ESR1: variants seen among roughly 807,000 people sequenced by gnomAD.
The protein encoded by ESR1 is estrogen receptor.
A neutral mutation model predicts 52.7 loss-of-function variants in ESR1; 12 were observed. The observed-to-expected ratio is 0.23, with a 90% CI of 0.15 to 0.37. The LOEUF (loss-of-function observed/expected upper bound fraction) is 0.37. ESR1 is among the 10% of genes least tolerant of loss of function. The pLI, the probability that ESR1 is intolerant of heterozygous loss-of-function variation, is 1.00. For synonymous variants in ESR1, 305 were observed against 316.8 expected, an observed-to-expected ratio of 0.96 and a Z score of 0.39; for missense variants, 584 against 779.7, an observed-to-expected ratio of 0.75 and a Z score of 2.99.
At chr6:151,664,042 G>A (rs1226962258) in intron 1 of ESR1, among the ~76,000 whole-genome samples, 2 of 152,016 alleles carry the variant, frequency 1.3e-5, no homozygotes, top group Admixed American at 6.6e-5. Context: ...TGTTTCCACT[G>A]CCCTTTGTTT....
chr6:151,879,266 A>G (rs968779536), intron 2 of ESR1, among the ~76,000 whole-genome samples: 2 of 152,194 alleles, frequency 1.3e-5, no homozygotes, highest in Admixed American at 1.3e-4. Flanking sequence ...TGCTTCAGAT[A>G]GGTTATGTAG....
At chr6:151,961,688 G>A (rs1188825170) in intron 4 of ESR1, among the ~76,000 whole-genome samples, 1 of 152,168 alleles carries the variant, frequency 6.6e-6, no homozygotes, top group Non-Finnish European at 1.5e-5. Flanking sequence ...TCAGGGAATT[G>A]GGAGCAAGTT....
intron 1 of ESR1, among the ~76,000 whole-genome samples, chr6:151,839,984 T>A (rs1027768764): frequency 6.6e-6 from 1 of 152,186 alleles, no homozygotes; most frequent in African/African-American, 2.4e-5. Flanking sequence ...ATTTAAAAAA[T>A]ATAGCATTTT....
At chr6:152,108,225 ACACTCATC>A (rs112430028), downstream of ESR1, among the ~76,000 whole-genome samples, 32,538 of 151,884 alleles carry the variant, frequency 0.21, 3,688 homozygotes, top group African/African-American at 0.28. Context: ...TTGGCCCTGC[ACACTCATC>A]CACCAAATCA....
chr6:151,824,929 A>AG (rs1781234371), intron 1 of ESR1, among the ~76,000 whole-genome samples: 1 of 152,078 alleles, frequency 6.6e-6, no homozygotes, highest in Admixed American at 6.6e-5. Flanking sequence ...TCAAAAAAAA[A>AG]AAGAAAAAAA....
At position 152,099,110 on chromosome 6, in the gene ESR1, T is replaced by G; in HGVS notation, c.*144T>G. On this transcript the variant is annotated 3_prime_UTR_variant, in exon 8 of 8. Transcript: ENST00000206249. ...CTTTCTAGATGAGTGGCCATTCATT[T>G]GCTTGCTCAGTTCTTAGTGGCACAT... The G allele has an allele frequency of 1.4e-6, 1 of 697,378 alleles. No individual in the cohort carries two copies. Among genetic ancestry groups the G allele is most frequent in the Non-Finnish European group, 2.6e-6 (1 of 391,718 alleles). 43.2% of individuals were successfully genotyped at this position (697,378 alleles called of 1,614,324 possible).
chr6:151,947,670 T>C (rs1281425136), intron 4 of ESR1, among the ~76,000 whole-genome samples: 1 of 152,208 alleles, frequency 6.6e-6, no homozygotes, highest in Non-Finnish European at 1.5e-5. Context: ...TATGTTTCTC[T>C]ACTCAGAATT....
chr6:152,074,421 G>C (rs980962961), intron 6 of ESR1, among the ~76,000 whole-genome samples: 1 of 152,058 alleles, frequency 6.6e-6, no homozygotes, highest in Non-Finnish European at 1.5e-5. Flanking sequence ...TGGCTTGATA[G>C]CTCATTTCTT....
intron 3 of ESR1, among the ~76,000 whole-genome samples, chr6:151,891,039 A>T (rs2128366073): frequency 6.6e-6 from 1 of 152,076 alleles, no homozygotes; most frequent in African/African-American, 2.4e-5. Context: ...TGCCTTTTGT[A>T]TATTTGCTAC....
At chr6:151,715,931 T>G (rs1780998062) in intron 2 of ESR1, among the ~76,000 whole-genome samples, 1 of 152,236 alleles carries the variant, frequency 6.6e-6, no homozygotes, top group East Asian at 1.9e-4. Flanking sequence ...TTTTTGGAAT[T>G]GTCAGCCTTT....
intron 2 of ESR1, among the ~76,000 whole-genome samples, chr6:151,720,241 T>G (rs1781362572): frequency 6.6e-6 from 1 of 152,216 alleles, no homozygotes; most frequent in South Asian, 2.1e-4. Flanking sequence ...GCAATCTGCC[T>G]GCTGAAACAA....
chr6:151,898,023 C>T (rs1408765347), intron 3 of ESR1, among the ~76,000 whole-genome samples: 1 of 152,084 alleles, frequency 6.6e-6, no homozygotes, highest in Non-Finnish European at 1.5e-5. Flanking sequence ...AAGATAGGGC[C>T]CCAATCCCTT....
At chr6:152,079,856 G>A (rs971516964) in intron 6 of ESR1, among the ~76,000 whole-genome samples, 7 of 152,148 alleles carry the variant, frequency 4.6e-5, no homozygotes, top group Admixed American at 6.5e-5. Flanking sequence ...CACAAGCTTC[G>A]ATAGCTGATT....
chr6:151,707,503 G>A (rs1018692246), intron 2 of ESR1, among the ~76,000 whole-genome samples: 1 of 151,830 alleles, frequency 6.6e-6, no homozygotes, highest in Admixed American at 6.6e-5. Context: ...TAAAATACAT[G>A]CATAAAATAG....
At chr6:151,946,993 T>G (rs1476929495) in intron 4 of ESR1, among the ~76,000 whole-genome samples, 1 of 152,150 alleles carries the variant, frequency 6.6e-6, no homozygotes, top group Non-Finnish European at 1.5e-5. Context: ...AGATAATAGT[T>G]TGAGAATGAC....
At chr6:151,987,980 TA>T (rs2040651236) in intron 4 of ESR1, among the ~76,000 whole-genome samples, 1 of 152,076 alleles carries the variant, frequency 6.6e-6, no homozygotes, top group African/African-American at 2.4e-5. Context: ...TCAGTGGAAT[TA>T]AAAGCCTAAA....
In ESR1 at chr6:151,887,970, G is replaced by T. The variant is rs117299527; in HGVS notation, c.760+7199G>T. Among the ~76,000 whole-genome samples, 202 of 152,188 alleles carry T rather than the reference G, an allele frequency of 1.3e-3. 3 individuals are homozygous for T. The East Asian group carries it at 0.031, about 23-fold the overall frequency. On this transcript the variant is annotated intron_variant, in intron 3 of 7. Coordinates refer to ENST00000206249, the MANE Select transcript of ESR1 (RefSeq NM_000125.4). ...GTCCTTTCTCCATTGTGTGCTTTTA[G>T]CAGCTTTGTCAAAAATTAATTGGCT... is the stretch of plus-strand genomic sequence containing the variant.
intron 6 of ESR1, among the ~76,000 whole-genome samples, chr6:152,119,831 C>T (rs925671944): frequency 6.6e-5 from 10 of 152,232 alleles, no homozygotes; most frequent in Non-Finnish European, 1.0e-4. Context: ...CCATCATCTG[C>T]GTCTGGCGTG....
chr6:152,073,378 C>T (rs1398510517), intron 6 of ESR1, among the ~76,000 whole-genome samples: 1 of 152,138 alleles, frequency 6.6e-6, no homozygotes, highest in Non-Finnish European at 1.5e-5. Flanking sequence ...GAAAGTAATG[C>T]ATGACCAAGG....
Sources: allele counts gnomAD v4.1 joint callset (sites outside exome capture counted in the v4.1 genomes callset), GRCh38; gene constraint gnomAD v4.1.1; transcripts MANE v1.5; gene names NCBI Gene and HGNC (gene_info 2026-07-23, HGNC 2026-07-21).